The following HPSE2 variants were observed in gnomAD, a reference collection of about 807,000 sequenced individuals.
HPSE2 encodes the protein inactive heparanase-2.
In HPSE2, 38 loss-of-function variants were observed where a neutral mutation model predicts 60.5. The observed-to-expected ratio is 0.63, with a 90% CI of 0.48 to 0.82. The LOEUF is 0.82. Among genes scored for constraint, HPSE2 ranks in the 40% least tolerant of loss-of-function variants. The pLI is 0.00. For missense variants in HPSE2, 713 were observed against 740.4 expected (o/e 0.96, Z 0.43); for synonymous variants, 295 against 293.2 (o/e 1.01, Z -0.06).
the HPSE2 span, among the ~76,000 whole-genome samples, chr10:99,243,788 T>C: frequency 6.6e-6 from 1 of 151,888 alleles, no homozygotes; most frequent in Non-Finnish European, 1.5e-5. Context: ...GTACAAAACT[T>C]AGCTGGGCAT....
chr10:99,062,076 TTCAACTGGCCAGTAAC>T (rs1842463015), intron 3 of HPSE2, among the ~76,000 whole-genome samples: 2 of 152,326 alleles, frequency 1.3e-5, no homozygotes, highest in South Asian at 4.1e-4. Flanking sequence ...GAGGTTCTGC[TTCAACTGGCCAGTAAC>T]TCATACTGCT....
chr10:98,881,030 C>T (rs921037925), intron 3 of HPSE2, among the ~76,000 whole-genome samples: 19 of 152,158 alleles, frequency 1.2e-4, no homozygotes, highest in African/African-American at 4.6e-4. Context: ...TAGCGTTGTT[C>T]CTCTATTTGA....
upstream of HPSE2, among the ~76,000 whole-genome samples, chr10:99,237,077 T>C (rs1047401063): frequency 6.6e-6 from 1 of 152,138 alleles, no homozygotes; most frequent in Non-Finnish European, 1.5e-5. Context: ...CCGCTGCTCA[T>C]TGAGCTTCCA....
chr10:99,248,803 T>C, the HPSE2 span, among the ~76,000 whole-genome samples: 2 of 152,168 alleles, frequency 1.3e-5, no homozygotes, highest in African/African-American at 4.8e-5. Context: ...CTGTGCAACC[T>C]CAGGACGCTG....
intron 3 of HPSE2, among the ~76,000 whole-genome samples, chr10:98,971,583 T>C (rs1955955155): frequency 6.6e-6 from 1 of 152,234 alleles, no homozygotes; most frequent in African/African-American, 2.4e-5. Context: ...TGCCCGTTTA[T>C]TTCACAATGT....
intron 9 of HPSE2, among the ~76,000 whole-genome samples, chr10:98,538,267 G>C (rs1202456280): frequency 6.6e-6 from 1 of 152,128 alleles, no homozygotes; most frequent in East Asian, 1.9e-4. Flanking sequence ...CTCCGCACAT[G>C]GGGAGAACAC....
At chr10:99,028,306 CA>C (rs1260089350) in intron 3 of HPSE2, among the ~76,000 whole-genome samples, 2 of 151,884 alleles carry the variant, frequency 1.3e-5, no homozygotes, top group African/African-American at 4.8e-5. Context: ...TTGCAGGACA[CA>C]AAATCAACAT....
chr10:99,172,106 A>G (rs1218007138), intron 2 of HPSE2, among the ~76,000 whole-genome samples: 2 of 152,220 alleles, frequency 1.3e-5, no homozygotes, highest in African/African-American at 4.8e-5. Context: ...TGTGATGCTG[A>G]GGTTTAGGAT....
chr10:98,755,821 C>T (rs373189752), intron 3 of HPSE2, among the ~76,000 whole-genome samples: 2 of 152,058 alleles, frequency 1.3e-5, no homozygotes, highest in South Asian at 4.2e-4. Context: ...CATGGTGAAA[C>T]CCCATCTCTA....
chr10:98,922,422 A>G (rs1954307703), intron 3 of HPSE2, among the ~76,000 whole-genome samples: 1 of 152,214 alleles, frequency 6.6e-6, no homozygotes, highest in African/African-American at 2.4e-5. Flanking sequence ...TAGCTTGCAT[A>G]TTATGAGTCT....
chr10:99,229,573 A>G (rs1165915384), intron 2 of HPSE2, among the ~76,000 whole-genome samples: 1 of 152,240 alleles, frequency 6.6e-6, no homozygotes, highest in Admixed American at 6.5e-5. Flanking sequence ...AGCAAGGTAC[A>G]GCAGGTAATC....
At chr10:98,901,062 GA>G (rs1401927987) in intron 3 of HPSE2, among the ~76,000 whole-genome samples, 4 of 152,152 alleles carry the variant, frequency 2.6e-5, no homozygotes, top group African/African-American at 9.7e-5. Flanking sequence ...CAACATGAAT[GA>G]ATCTCAGAGT....
At chr10:98,681,075 A>AC (rs74384126) in intron 6 of HPSE2, among the ~76,000 whole-genome samples, 1 of 148,156 alleles carries the variant, frequency 6.7e-6, no homozygotes, top group Non-Finnish European at 1.5e-5. Context: ...TGAATTGGTC[A>AC]TTTTTTTTTT....
At chr10:99,224,233 A>G (rs1564905690) in intron 2 of HPSE2, among the ~76,000 whole-genome samples, 1 of 152,136 alleles carries the variant, frequency 6.6e-6, no homozygotes, top group Non-Finnish European at 1.5e-5. Context: ...CAACTCAATT[A>G]GATCATGAAA....
At chr10:98,954,028 G>T (rs191813718) in intron 3 of HPSE2, among the ~76,000 whole-genome samples, 1 of 152,158 alleles carries the variant, frequency 6.6e-6, no homozygotes, top group Non-Finnish European at 1.5e-5. Flanking sequence ...TAAGTTGGCC[G>T]GATGCGGTGG....
At chr10:98,782,901 CCT>C (rs1491503919) in intron 3 of HPSE2, among the ~76,000 whole-genome samples, 1 of 50,988 alleles carries the variant, frequency 2.0e-5, no homozygotes, top group Admixed American at 1.6e-4. Context: ...GGTCTACTTC[CCT>C]GTTTGTTTAT....
At chr10:98,595,283 C>T (rs1945202476) in intron 9 of HPSE2, among the ~76,000 whole-genome samples, 1 of 151,254 alleles carries the variant, frequency 6.6e-6, no homozygotes, top group African/African-American at 2.4e-5. Context: ...CATTCTCCTG[C>T]CTCAGCCTCC....
chr10:98,741,161 A>T (rs1187164447), intron 4 of HPSE2, among the ~76,000 whole-genome samples: 6 of 152,092 alleles, frequency 3.9e-5, no homozygotes, highest in Non-Finnish European at 8.8e-5. Flanking sequence ...GAAAACACTA[A>T]ATCTAGATTT....
At chr10:98,695,539 G>C (rs1208677811) in intron 5 of HPSE2, among the ~76,000 whole-genome samples, 2 of 152,168 alleles carry the variant, frequency 1.3e-5, no homozygotes, top group African/African-American at 4.8e-5. Context: ...TCTTAAAAAT[G>C]CCTTGCTTGG....
Sources: allele counts gnomAD v4.1 joint callset (sites outside exome capture counted in the v4.1 genomes callset), GRCh38; gene constraint gnomAD v4.1.1; transcripts MANE v1.5; gene names NCBI Gene and HGNC (gene_info 2026-07-23, HGNC 2026-07-21).